Variants in PPIL3 observed in about 807,000 individuals in gnomAD.
The protein encoded by PPIL3 is peptidyl-prolyl cis-trans isomerase-like 3.
PPIL3 carries 13 observed loss-of-function variants against 20.9 expected under a neutral mutation model. The observed-to-expected ratio is 0.62, with a 90% CI of 0.40 to 0.99. The LOEUF is 0.99. Among genes scored for constraint, PPIL3 ranks in the 50% least tolerant of loss-of-function variants. The pLI, the probability that PPIL3 is intolerant of heterozygous loss-of-function variation, is 0.00. For synonymous variants in PPIL3, 71 were observed against 64.4 expected, an observed-to-expected ratio of 1.10 and a Z score of -0.49; for missense variants, 170 against 195.2, an observed-to-expected ratio of 0.87 and a Z score of 0.77.
chr2:200,887,394 A>AAAAAAAGGT (rs2039976945), intron 2 of PPIL3, among the ~76,000 whole-genome samples: 1 of 151,896 alleles, frequency 6.6e-6, no homozygotes, highest in African/African-American at 2.4e-5. Flanking sequence ...AAAAAAAAAA[A>AAAAAAAGGT]AAAAAAGGTA....
At chr2:200,875,474 G>A (rs2039475670) in intron 6 of PPIL3, among the ~76,000 whole-genome samples, 1 of 151,954 alleles carries the variant, frequency 6.6e-6, no homozygotes, top group Non-Finnish European at 1.5e-5. Context: ...CACCATGTTG[G>A]CCTGGATGGT....
At chr2:200,888,896 C>T in intron 1 of PPIL3, 60 bp downstream of exon 1, 1 of 471,082 alleles carries the variant, frequency 2.1e-6, no homozygotes, top group Non-Finnish European at 4.4e-6. Flanking sequence ...CCAGTAGCAA[C>T]ACAGAACTCA....
chr2:200,888,817 T>C (rs1177611818), intron 1 of PPIL3, 139 bp downstream of exon 1: 3 of 423,238 alleles, frequency 7.1e-6, no homozygotes, highest in South Asian at 5.1e-5. Context: ...GCAGGGTCCT[T>C]CTTTTACTCT....
At chr2:200,873,304 A>G (rs1276817758) in intron 6 of PPIL3, among the ~76,000 whole-genome samples, 1 of 150,022 alleles carries the variant, frequency 6.7e-6, no homozygotes, top group Non-Finnish European at 1.5e-5. Flanking sequence ...GCAATTCTGC[A>G]TCAGCCTCCC....
chr2:200,882,215 G>A (rs2105777667), intron 4 of PPIL3, 127 bp downstream of exon 4: 6 of 689,606 alleles, frequency 8.7e-6, no homozygotes, highest in Middle Eastern at 4.1e-4. Context: ...TTCTGTACTT[G>A]TAGAACAGAA....
At chr2:200,880,292 AGTCTC>A (rs1274255433) in intron 5 of PPIL3, among the ~76,000 whole-genome samples, 21 of 152,144 alleles carry the variant, frequency 1.4e-4, no homozygotes, top group Admixed American at 7.2e-4. Context: ...AATTACTCCT[AGTCTC>A]ATCATCCAGA....
intron 5 of PPIL3, among the ~76,000 whole-genome samples, chr2:200,880,133 G>A (rs1444131570): frequency 6.6e-6 from 1 of 152,060 alleles, no homozygotes; most frequent in African/African-American, 2.4e-5. Flanking sequence ...TGTAGTCCCA[G>A]CTACTCTGGA....
At chr2:200,885,068 GAAAA>G (rs1161456179) in intron 3 of PPIL3, 3 of 50,294 alleles carry the variant, frequency 6.0e-5, no homozygotes, top group South Asian at 6.1e-4. Context: ...TCCGTCTTGA[GAAAA>G]AAAAAAAAAA....
intron 1 of PPIL3, chr2:200,888,521 CTTTT>C (rs941527376): frequency 5.5e-6 from 1 of 182,094 alleles, no homozygotes; most frequent in Non-Finnish European, 1.2e-5. Flanking sequence ...ATGAACTTCT[CTTTT>C]TTTTTCATTT....
At chr2:200,874,093 T>C (rs1650484164) in intron 6 of PPIL3, among the ~76,000 whole-genome samples, 1 of 150,598 alleles carries the variant, frequency 6.6e-6, no homozygotes, top group Non-Finnish European at 1.5e-5. Flanking sequence ...TAGTCCCAGC[T>C]ACTTGGGAGG....
chr2:200,873,364 G>A (rs2039383763), intron 6 of PPIL3, among the ~76,000 whole-genome samples: 2 of 151,194 alleles, frequency 1.3e-5, no homozygotes, highest in South Asian at 2.1e-4. Context: ...TAATTTTTGT[G>A]TTTTTAGTAG....
chr2:200,878,107 T>A (rs186641471), intron 5 of PPIL3, among the ~76,000 whole-genome samples: 25 of 152,286 alleles, frequency 1.6e-4, no homozygotes, highest in African/African-American at 5.3e-4. Context: ...TGTCCACCAA[T>A]CAAATGTAAT....
At chr2:200,872,107 G>A (rs1208570066) in intron 6 of PPIL3, among the ~76,000 whole-genome samples, 2 of 152,056 alleles carry the variant, frequency 1.3e-5, no homozygotes, top group African/African-American at 2.4e-5. Flanking sequence ...TCCAAGTCCC[G>A]ATTGTGATCT....
chr2:200,885,509 G>C (rs568167581), intron 3 of PPIL3, 189 bp downstream of exon 3: 2 of 534,944 alleles, frequency 3.7e-6, no homozygotes, highest in East Asian at 6.6e-5. Flanking sequence ...AATTATCTAC[G>C]TTCTCTTTGA....
Position 200,871,453 on chromosome 2 carries a change from G to C in PPIL3, c.428C>G (p.Pro143Arg). The C allele has an allele frequency of 6.2e-7, 1 of 1,608,652 alleles. No homozygotes were observed. Among genetic ancestry groups the C allele is most frequent in the Non-Finnish European group, 8.5e-7 (1 of 1,175,198 alleles). The change falls in exon 7 of 7, where the codon CCT becomes CGT. Residue 143 changes from proline to arginine, a missense_variant. Transcript: ENST00000392283. ...KLPVNEKTYR[P>R]LNDVHIKDIT... Reference sequence around the variant, plus strand: ...GTCCTTAATGTGTACATCATTAAGAGGTCGGTATGTCTTCTCATTTACTGG... The same window carrying C: ...GTCCTTAATGTGTACATCATTAAGACGTCGGTATGTCTTCTCATTTACTGG...
rs1194113829 is a variant in PPIL3 at position 200,885,771 on chromosome 2, G to C, written c.5C>G (p.Ser2Cys). 7 of 1,567,640 alleles carry C rather than the reference G, an allele frequency of 4.5e-6. No individual in the cohort carries two copies. Among genetic ancestry groups the C allele is most frequent in the Non-Finnish European group, 3.5e-6 (4 of 1,147,816 alleles). The change falls in exon 3 of 7, where the codon TCT (serine) becomes TGT (cysteine). Residue 2 changes from serine to cysteine, a missense_variant and splice_region_variant. Physicochemically the swap from Ser to Cys is moderately radical, Grantham distance 112. Transcript: ENST00000392283. The part of the protein sequence containing the change: M[S>C]VTLHTDVGDI... ...ACCTACATCTGTATGCAGTGTCACA[G>C]ACTAAAAAGGAGAGAAAATGTGAGA...
intron 6 of PPIL3, among the ~76,000 whole-genome samples, chr2:200,875,767 T>A (rs185148444): frequency 1.4e-4 from 22 of 151,988 alleles, no homozygotes; most frequent in Admixed American, 4.6e-4. Flanking sequence ...TAGAGATGGG[T>A]TCTGCTATGT....
At chr2:200,888,482 TC>T (rs1444648421) in intron 1 of PPIL3, 1 of 158,868 alleles carries the variant, frequency 6.3e-6, no homozygotes, top group East Asian at 1.9e-4. Flanking sequence ...CTTTTTTTTT[TC>T]CACCACAGCA....
At chr2:200,872,371 G>A (rs551709514) in intron 6 of PPIL3, among the ~76,000 whole-genome samples, 11 of 152,190 alleles carry the variant, frequency 7.2e-5, no homozygotes, top group Admixed American at 2.6e-4. Flanking sequence ...CACCAACCTG[G>A]AAGCTCTCAA....
Sources: allele counts gnomAD v4.1 joint callset (sites outside exome capture counted in the v4.1 genomes callset), GRCh38; gene constraint gnomAD v4.1.1; transcripts MANE v1.5; gene names NCBI Gene and HGNC (gene_info 2026-07-23, HGNC 2026-07-21).